LSP1: variants seen among roughly 807,000 people sequenced by gnomAD.
LSP1 encodes lymphocyte-specific protein 1.
LSP1 carries 32 observed loss-of-function variants against 49.3 expected under a neutral mutation model. The observed-to-expected ratio is 0.65, with a 90% CI of 0.49 to 0.87. The LOEUF (loss-of-function observed/expected upper bound fraction) is 0.87, where lower values mean the gene tolerates loss of function less well. Among genes scored for constraint, LSP1 ranks in the 40% least tolerant of loss-of-function variants. The pLI is 0.00. For synonymous variants in LSP1, 179 were observed against 178.8 expected, an observed-to-expected ratio of 1.00 and a Z score of -0.01; for missense variants, 428 against 442.6, an observed-to-expected ratio of 0.97 and a Z score of 0.30.
At chr11:1,870,509 C>T in intron 1 of LSP1, 1 of 1,190,398 alleles carries the variant, frequency 8.4e-7, no homozygotes, top group Non-Finnish European at 1.1e-6. Context: ...CCCAGAGCTC[C>T]ACAGGCAGAC....
chr11:1,875,733 G>A (rs1413572423), intron 1 of LSP1, among the ~76,000 whole-genome samples: 2 of 152,236 alleles, frequency 1.3e-5, no homozygotes, highest in Non-Finnish European at 2.9e-5. Context: ...CCGGGGGGGA[G>A]GCTGGGCCAG....
At chr11:1,877,508 C>T (rs4047079) in intron 1 of LSP1, among the ~76,000 whole-genome samples, 7 of 152,172 alleles carry the variant, frequency 4.6e-5, no homozygotes, top group South Asian at 4.1e-4. Flanking sequence ...TCTGCAGGGA[C>T]GATGTTCCCA....
intron 4 of LSP1, among the ~76,000 whole-genome samples, 184 bp from the exon 5 acceptor site, chr11:1,883,748 C>A (rs1848644739): frequency 6.6e-6 from 1 of 152,142 alleles, no homozygotes; most frequent in Middle Eastern, 3.2e-3. Flanking sequence ...GATCCTCTTG[C>A]AAGATCCGGA....
chr11:1,883,475 T>G lies in LSP1; in HGVS notation c.413T>G (p.Leu138Trp), dbSNP rs369531651. The change falls in exon 4 of 11, where the codon TTG becomes TGG. Residue 138 changes from leucine to tryptophan, a missense_variant. Transcript: ENST00000311604. ...EDSDEVHLEE[L>W]SLSKEGPGPE... ...AGTGATGAAGTCCACCTGGAGGAGT[T>G]GAGTCTGAGCAAGGAGGGGCCAGGC... 3 of 1,614,030 alleles carry G rather than the reference T, an allele frequency of 1.9e-6. No homozygotes were observed. In the African/African-American group the frequency reaches 4.0e-5, roughly 22 times the overall value.
Position 1,887,235 on chromosome 11 carries a change from A to T in LSP1, c.853-2A>T. ...TGTGACATACCCTTCTGCTGCCCCC[A>T]GGATATTGTGGCTGGAGACATGAGC... On this transcript the variant is annotated splice_acceptor_variant, in intron 8 of 10. Coordinates refer to ENST00000311604, the MANE Select transcript of LSP1 (RefSeq NM_002339.3). LOFTEE classifies it high-confidence loss of function. 1 of 1,562,360 alleles carries T rather than the reference A, an allele frequency of 6.4e-7. No individual in the cohort carries two copies. Among genetic ancestry groups the T allele is most frequent in the South Asian group, 1.1e-5 (1 of 87,542 alleles).
rs1140212 is a variant in LSP1 at position 1,886,742 on chromosome 11, G to A, written c.728G>A (p.Arg243Gln). The A allele has an allele frequency of 1.1e-5, 18 of 1,610,008 alleles. No homozygotes were observed. The highest frequency in any genetic ancestry group is 3.3e-5 in the Admixed American group (2 of 59,894). Residue 243 changes from arginine to glutamine, a missense_variant, in exon 8 of 11, where the codon CGG (arginine) becomes CAG (glutamine). By Grantham distance (43) the Arg-to-Gln change is conservative. Transcript: ENST00000311604. ...QYTQAIETAG[R>Q]TPKLARQASI... ...TTTCCTCCTCTGCAGACCGCTGGCC[G>A]GACCCCCAAGCTAGCCCGCCAGGCC...
intron 1 of LSP1, among the ~76,000 whole-genome samples, chr11:1,853,467 C>G (rs1052057030): frequency 6.6e-6 from 1 of 152,188 alleles, no homozygotes; most frequent in Non-Finnish European, 1.5e-5. Context: ...ATCCTAAGCC[C>G]ATGGTGGATG....
At chr11:1,854,681 G>A (rs866038225) in intron 1 of LSP1, among the ~76,000 whole-genome samples, 1 of 152,102 alleles carries the variant, frequency 6.6e-6, no homozygotes, top group Middle Eastern at 3.2e-3. Context: ...GGGAGAGGTG[G>A]GAGGATGCCC....
rs1230733798 is a variant in LSP1 at position 1,888,825 on chromosome 11, G to A, written c.*13+1249G>A. ...AGGAGCCTGGGCTAGGTCAGTAGAT[G>A]CAGTCCTCTGCCATCTTACCTAAAG... On this transcript the variant is annotated intron_variant, in intron 10 of 10. Transcript: ENST00000311604. 6 of 298,696 alleles carry A rather than the reference G, an allele frequency of 2.0e-5. No individual in the cohort carries two copies. The South Asian group carries it at 7.1e-4, about 35-fold the overall frequency. The allele number at this position is 298,696 out of a possible 1,614,324, so 18.5% of individuals were successfully genotyped here.
chr11:1,889,580 C>T lies in LSP1; in HGVS notation c.*13+2004C>T, dbSNP rs1050007110. On this transcript the variant is annotated intron_variant, in intron 10 of 10. Transcript: ENST00000311604. Reference sequence around the variant, plus strand: ...GCCACGTCCAGCCACTGAGCCGGGGCTTGGGTGCAACTTTGGGGACAGGGC... The same window carrying T: ...GCCACGTCCAGCCACTGAGCCGGGGTTTGGGTGCAACTTTGGGGACAGGGC... The T allele has an allele frequency of 9.8e-6, 6 of 612,350 alleles. No homozygotes were observed. The Admixed American group carries it at 1.8e-4, about 18-fold the overall frequency. The allele number at this position is 612,350 out of a possible 1,614,324, so 37.9% of individuals were successfully genotyped here.
intron 7 of LSP1, among the ~76,000 whole-genome samples, chr11:1,885,866 A>G (rs1007021210): frequency 3.3e-5 from 5 of 151,562 alleles, no homozygotes; most frequent in African/African-American, 1.2e-4. Context: ...GTCAAGCAAT[A>G]CTTCTGATTT....
intron 10 of LSP1, 114 bp downstream of exon 10, chr11:1,887,690 C>A: frequency 1.3e-6 from 1 of 747,028 alleles, no homozygotes; most frequent in Non-Finnish European, 2.2e-6. Context: ...AGGGTGGACT[C>A]CGAGTTGGCC....
At chr11:1,862,131 G>C (rs942826174) in intron 1 of LSP1, among the ~76,000 whole-genome samples, 2 of 152,060 alleles carry the variant, frequency 1.3e-5, no homozygotes, top group South Asian at 4.1e-4. Context: ...GGGTGGATGG[G>C]TAAAATGGAT....
At chr11:1,868,911 A>T in intron 1 of LSP1, 1 of 985,924 alleles carries the variant, frequency 1.0e-6, no homozygotes, top group Non-Finnish European at 1.2e-6. Context: ...CTGGAACCGT[A>T]AAGGGGAGGC....
intron 1 of LSP1, chr11:1,868,749 C>A: frequency 1.0e-6 from 1 of 985,860 alleles, no homozygotes; most frequent in Non-Finnish European, 1.2e-6. Context: ...GTGCAGGGAC[C>A]GAGTGGCCCA....
chr11:1,863,832 G>A (rs1203002796), intron 1 of LSP1, among the ~76,000 whole-genome samples: 1 of 152,182 alleles, frequency 6.6e-6, no homozygotes, highest in East Asian at 1.9e-4. Flanking sequence ...GGACCATGCT[G>A]TGCCAATACC....
intron 1 of LSP1, chr11:1,870,673 G>T (rs932740647): frequency 2.8e-6 from 3 of 1,072,074 alleles, no homozygotes; most frequent in Non-Finnish European, 3.4e-6. Context: ...TGGGCACCAC[G>T]TCTGAATAAT....
In LSP1 at chr11:1,886,734, C is replaced by T. The variant is rs777045371; in HGVS notation, c.720C>T (p.Thr240=). 3.0e-5 allele frequency: 48 copies of T among 1,608,542 alleles called. No individual in the cohort carries two copies. The highest frequency in any genetic ancestry group is 1.7e-4 in the African/African-American group (13 of 74,796). ...CTGATGCTTTTCCTCCTCTGCAGAC[C>T]GCTGGCCGGACCCCCAAGCTAGCCC... ...WLEQYTQAIE[T]AGRTPKLARQ... The change falls in exon 8 of 11, where the codon ACC becomes ACT. Residue 240 remains threonine, a splice_region_variant and synonymous_variant. Transcript: ENST00000311604.
Position 1,889,595 on chromosome 11 carries a change from G to A in LSP1, c.*13+2019G>A, listed in dbSNP as rs1848903163. 4 of 613,224 alleles carry A rather than the reference G, an allele frequency of 6.5e-6. No homozygotes were observed. In the East Asian group the frequency reaches 1.1e-4, roughly 17 times the overall value. 38.0% of individuals were successfully genotyped at this position (613,224 alleles called of 1,614,324 possible). ...TGAGCCGGGGCTTGGGTGCAACTTT[G>A]GGGACAGGGCATGGGTGAGGGCCTG... On this transcript the variant is annotated intron_variant, in intron 10 of 10. Coordinates refer to ENST00000311604, the MANE Select transcript of LSP1 (RefSeq NM_002339.3).
Sources: gnomAD v4.1 joint callset for allele counts (sites outside exome capture counted in the v4.1 genomes callset) on GRCh38, gnomAD v4.1.1 for gene constraint, MANE v1.5 for transcripts, NCBI Gene and HGNC (gene_info 2026-07-23, HGNC 2026-07-21) for gene names.